Variants in BTD observed in about 807,000 individuals in gnomAD.
BTD encodes the protein biocytinase.
A neutral mutation model predicts 17.7 loss-of-function variants in BTD; 13 were observed. That is an observed-to-expected ratio of 0.74 (90% CI 0.48 to 1.17). The LOEUF (loss-of-function observed/expected upper bound fraction) is 1.17. BTD is among the 50% of genes most tolerant of loss of function. The pLI, the probability that BTD is intolerant of heterozygous loss-of-function variation, is 0.00. For synonymous variants in BTD, 240 were observed against 245.2 expected (o/e 0.98, Z 0.20); for missense variants, 674 against 650.4 (o/e 1.04, Z -0.39).
At chr3:15,707,867 G>A (rs544202885) in intron 3 of BTD, 79 of 1,565,168 alleles carry the variant, frequency 5.0e-5, no homozygotes, top group African/African-American at 5.0e-4. Flanking sequence ...ACATCCATAT[G>A]GAAGATGCCA....
intron 1 of BTD, among the ~76,000 whole-genome samples, chr3:15,605,114 A>G (rs948565514): frequency 2.6e-5 from 4 of 152,076 alleles, no homozygotes; most frequent in South Asian, 2.1e-4. Flanking sequence ...TGCATTACCA[A>G]TTTTCTGTGT....
At chr3:15,706,682 T>C (rs1273989381) in intron 3 of BTD, among the ~76,000 whole-genome samples, 1 of 152,214 alleles carries the variant, frequency 6.6e-6, no homozygotes, top group Non-Finnish European at 1.5e-5. Flanking sequence ...TCCACAATGG[T>C]TGAACTAGTT....
upstream of BTD, chr3:15,601,366 A>G (rs1173923360): frequency 1.9e-6 from 3 of 1,613,884 alleles, no homozygotes; most frequent in Middle Eastern, 1.6e-4. Context: ...CTTTCATTCC[A>G]GGAAGGTCCA....
At chr3:15,616,269 A>G (rs2064787904) in intron 1 of BTD, among the ~76,000 whole-genome samples, 1 of 152,192 alleles carries the variant, frequency 6.6e-6, no homozygotes, top group Non-Finnish European at 1.5e-5. Context: ...CCCATCAGCA[A>G]TGAATCAGAC....
Position 15,645,433 on chromosome 3 carries a change from T to C in BTD, c.1517T>C (p.Leu506Pro). 1.5e-5 allele frequency: 25 copies of C among 1,613,762 alleles called. No individual in the cohort carries two copies. Among genetic ancestry groups the C allele is most frequent in the Non-Finnish European group, 2.1e-5 (25 of 1,180,040 alleles). Residue 506 changes from leucine (L) to proline (P), a missense_variant, in exon 4 of 4, where the codon CTG becomes CCG. By Grantham distance (98) the Leu-to-Pro change is moderately conservative (BLOSUM62 -3). Transcript: ENST00000643237. ...NDHYFLRKSR[L>P]SSGLVTAALY... ...CACTATTTCCTGAGGAAAAGTAGGC[T>C]GTCCTCTGGGCTGGTGACGGCGGCT...
downstream of BTD, among the ~76,000 whole-genome samples, chr3:15,717,718 G>A (rs555891425): frequency 6.6e-6 from 1 of 152,238 alleles, no homozygotes; most frequent in Non-Finnish European, 1.5e-5. Flanking sequence ...AACAATGTGG[G>A]TGGGAAAACG....
intron 3 of BTD, among the ~76,000 whole-genome samples, chr3:15,697,034 G>A (rs2069688178): frequency 6.6e-6 from 1 of 152,102 alleles, no homozygotes; most frequent in South Asian, 2.1e-4. Flanking sequence ...TATGAAACAA[G>A]TCTATTTAGG....
chr3:15,619,421 G>A lies in BTD; in HGVS notation c.-16-16003G>A, dbSNP rs555784915. Among the ~76,000 whole-genome samples, 5 of 152,246 alleles carry A rather than the reference G, an allele frequency of 3.3e-5. No individual in the cohort carries two copies. In the South Asian group the frequency reaches 1.0e-3, roughly 32 times the overall value. The stretch of plus-strand genomic sequence containing the variant: ...CTGCAGCCTCCACCTCCTAGGCCAT[G>A]TGATCTTTCTTATTTAGCCTGTTAA... On this transcript the variant is annotated intron_variant, in intron 1 of 3. Transcript: ENST00000643237.
intron 1 of BTD, among the ~76,000 whole-genome samples, chr3:15,614,517 C>T (rs78685825): frequency 0.036 from 5,459 of 151,308 alleles, 273 homozygotes; most frequent in African/African-American, 0.11. Flanking sequence ...CTCTGTGGTA[C>T]ATTCTAAACA....
At chr3:15,708,131 T>G in intron 3 of BTD, 2 of 1,511,908 alleles carry the variant, frequency 1.3e-6, no homozygotes, top group Non-Finnish European at 1.8e-6. Context: ...AAAAGCATAG[T>G]TGACTCTTAC....
At chr3:15,629,081 T>G (rs1292858724) in intron 1 of BTD, among the ~76,000 whole-genome samples, 1 of 152,220 alleles carries the variant, frequency 6.6e-6, no homozygotes, top group Non-Finnish European at 1.5e-5. Context: ...TTGCTGCTTA[T>G]TTTCATTAAA....
chr3:15,601,975 A>T (rs115287362), intron 1 of BTD, 81 bp downstream of exon 1: 2 of 1,584,610 alleles, frequency 1.3e-6, no homozygotes, highest in East Asian at 2.3e-5. Context: ...GCCCAGTTGG[A>T]CTTGGGGAGG....
chr3:15,609,712 C>T (rs141757705), intron 1 of BTD, among the ~76,000 whole-genome samples: 213 of 152,174 alleles, frequency 1.4e-3, no homozygotes, highest in Non-Finnish European at 2.4e-3. Context: ...CTGTGAATTA[C>T]GTGTTTACAT....
downstream of BTD, among the ~76,000 whole-genome samples, chr3:15,716,503 T>C (rs2073068055): frequency 6.6e-6 from 1 of 152,056 alleles, no homozygotes; most frequent in Non-Finnish European, 1.5e-5. Context: ...AGGCTGGTTT[T>C]GAACTCTTGG....
intron 1 of BTD, among the ~76,000 whole-genome samples, chr3:15,605,303 A>G (rs1321472031): frequency 1.3e-5 from 2 of 152,172 alleles, no homozygotes; most frequent in Non-Finnish European, 2.9e-5. Flanking sequence ...TGTGCAGGGA[A>G]ACTCCCATTT....
intron 1 of BTD, among the ~76,000 whole-genome samples, chr3:15,633,865 G>A (rs2065277116): frequency 6.6e-6 from 1 of 152,126 alleles, no homozygotes; most frequent in Admixed American, 6.5e-5. Context: ...GTCTTTAGAG[G>A]CAAAATTCAG....
intron 3 of BTD, among the ~76,000 whole-genome samples, chr3:15,699,675 C>T (rs1438779954): frequency 6.6e-6 from 1 of 152,136 alleles, no homozygotes; most frequent in African/African-American, 2.4e-5. Flanking sequence ...CAAATAAAAA[C>T]CACAATGAGA....
chr3:15,683,155 ACT>A (rs1156665263), intron 3 of BTD, among the ~76,000 whole-genome samples: 1 of 152,086 alleles, frequency 6.6e-6, no homozygotes, highest in Admixed American at 6.5e-5. Context: ...AAAATATCTC[ACT>A]GTGTGATTTT....
intron 3 of BTD, among the ~76,000 whole-genome samples, chr3:15,695,561 GGTA>G (rs2069414813): frequency 6.6e-6 from 1 of 152,034 alleles, no homozygotes; most frequent in Non-Finnish European, 1.5e-5. Context: ...TAATTTATAA[GGTA>G]AGTCTAAATA....
Sources: allele counts gnomAD v4.1 joint callset (sites outside exome capture counted in the v4.1 genomes callset), GRCh38; gene constraint gnomAD v4.1.1; transcripts MANE v1.5; gene names NCBI Gene and HGNC (gene_info 2026-07-23, HGNC 2026-07-21).